Variants in GPC6 observed in about 807,000 individuals in gnomAD.
GPC6 encodes glypican-6.
Under a neutral mutation model 55.2 loss-of-function variants are expected in GPC6, and 14 were observed. The ratio of observed to expected loss-of-function variants is 0.25; its 90% CI spans 0.17 to 0.40. The LOEUF is 0.40. Among genes scored for constraint, GPC6 ranks in the 10% least tolerant of loss-of-function variants. The pLI is 1.00. For missense variants in GPC6, 641 were observed against 708.5 expected (o/e 0.90, Z 1.08); for synonymous variants, 278 against 259.6 (o/e 1.07, Z -0.68).
At chr13:93,241,424 A>C (rs908491045) in intron 1 of GPC6, among the ~76,000 whole-genome samples, 4 of 152,114 alleles carry the variant, frequency 2.6e-5, no homozygotes, top group Admixed American at 1.3e-4. Context: ...TGCTTGGTCT[A>C]GTCTCTTGGT....
At chr13:93,501,777 A>T (rs1239231360) in intron 1 of GPC6, among the ~76,000 whole-genome samples, 2 of 152,192 alleles carry the variant, frequency 1.3e-5, no homozygotes, top group African/African-American at 4.8e-5. Context: ...GTGGACCACC[A>T]GTTTGAAATA....
intron 4 of GPC6, among the ~76,000 whole-genome samples, chr13:94,049,284 A>G (rs1473635899): frequency 6.7e-6 from 1 of 149,786 alleles, no homozygotes; most frequent in Non-Finnish European, 1.5e-5. Context: ...CCCTGTGGTC[A>G]CTATCTCCTC....
chr13:93,322,449 T>C (rs1879486175), intron 1 of GPC6, among the ~76,000 whole-genome samples: 2 of 146,722 alleles, frequency 1.4e-5, no homozygotes, highest in Non-Finnish European at 3.0e-5. Context: ...TTTTTTTTTT[T>C]TTTTGAGATG....
At chr13:93,233,893 C>T (rs752528900) in intron 1 of GPC6, among the ~76,000 whole-genome samples, 4 of 152,096 alleles carry the variant, frequency 2.6e-5, no homozygotes, top group Non-Finnish European at 4.4e-5. Context: ...GCTTCTTGAC[C>T]GTAAGTTGTT....
At chr13:94,387,523 G>A (rs1439571425) in intron 7 of GPC6, among the ~76,000 whole-genome samples, 1 of 152,160 alleles carries the variant, frequency 6.6e-6, no homozygotes, top group Non-Finnish European at 1.5e-5. Context: ...TAGGGTGCAG[G>A]CTAAACTCTT....
intron 2 of GPC6, among the ~76,000 whole-genome samples, chr13:93,768,644 G>T (rs149299194): frequency 1.1e-4 from 16 of 152,252 alleles, no homozygotes; most frequent in Non-Finnish European, 2.2e-4. Flanking sequence ...GCAGAGGAAG[G>T]CAAGTGCTGA....
intron 4 of GPC6, among the ~76,000 whole-genome samples, chr13:94,068,315 G>C (rs1884607749): frequency 6.6e-6 from 1 of 152,076 alleles, no homozygotes. Flanking sequence ...AACACCATGG[G>C]AAAAACCCGC....
chr13:93,377,770 C>A (rs1318115375), intron 1 of GPC6, among the ~76,000 whole-genome samples: 1 of 152,128 alleles, frequency 6.6e-6, no homozygotes, highest in Non-Finnish European at 1.5e-5. Context: ...AGGAGATAAA[C>A]AAAATGCTTA....
intron 2 of GPC6, among the ~76,000 whole-genome samples, chr13:93,567,561 G>A (rs1447657769): frequency 2.0e-5 from 3 of 151,846 alleles, no homozygotes; most frequent in Non-Finnish European, 4.4e-5. Flanking sequence ...CTGACCTCAT[G>A]ATCTGCCCGC....
intron 1 of GPC6, among the ~76,000 whole-genome samples, chr13:93,473,715 G>A (rs1879207772): frequency 1.3e-5 from 2 of 152,146 alleles, no homozygotes; most frequent in East Asian, 1.9e-4. Flanking sequence ...CTGGCAGATG[G>A]CTTGGCCTGG....
At chr13:93,722,051 T>A (rs1883473347) in intron 2 of GPC6, among the ~76,000 whole-genome samples, 1 of 151,834 alleles carries the variant, frequency 6.6e-6, no homozygotes, top group South Asian at 2.1e-4. Context: ...AGCAGATAAA[T>A]GATTTTAAAT....
At chr13:93,985,312 C>T (rs1278682519) in intron 3 of GPC6, among the ~76,000 whole-genome samples, 1 of 151,994 alleles carries the variant, frequency 6.6e-6, no homozygotes, top group African/African-American at 2.4e-5. Context: ...TGGTGCACAC[C>T]TGTAATCCCA....
intron 4 of GPC6, among the ~76,000 whole-genome samples, chr13:94,069,788 T>G (rs1454498966): frequency 1.3e-5 from 2 of 152,204 alleles, no homozygotes; most frequent in African/African-American, 4.8e-5. Flanking sequence ...CATCTCCATC[T>G]GAGACCACCT....
intron 1 of GPC6, among the ~76,000 whole-genome samples, chr13:93,315,078 T>C (rs891004913): frequency 6.6e-6 from 1 of 152,084 alleles, no homozygotes; most frequent in Non-Finnish European, 1.5e-5. Flanking sequence ...ATTATTTTGA[T>C]GGATGAGAAG....
intron 1 of GPC6, among the ~76,000 whole-genome samples, chr13:93,262,989 A>G (rs902537470): frequency 1.3e-5 from 2 of 152,206 alleles, no homozygotes; most frequent in Admixed American, 6.5e-5. Context: ...TGGGTTTGCT[A>G]GCTTTATGGG....
intron 4 of GPC6, among the ~76,000 whole-genome samples, chr13:94,256,114 T>A (rs978512817): frequency 6.6e-6 from 1 of 152,036 alleles, no homozygotes; most frequent in African/African-American, 2.4e-5. Flanking sequence ...ATCTATTGGA[T>A]CATGCCTGAA....
chr13:93,921,668 G>A (rs533161910), intron 3 of GPC6, among the ~76,000 whole-genome samples: 11 of 151,424 alleles, frequency 7.3e-5, no homozygotes, highest in East Asian at 4.0e-4. Flanking sequence ...TCTGCTTGTC[G>A]GCTCATGGAG....
chr13:93,647,677 A>C (rs900389719), intron 2 of GPC6, among the ~76,000 whole-genome samples: 1 of 152,194 alleles, frequency 6.6e-6, no homozygotes, highest in Non-Finnish European at 1.5e-5. Context: ...TGATTCTTCC[A>C]TAACTGTCAC....
chr13:93,329,331 G>A lies in GPC6; in HGVS notation c.160+101715G>A, dbSNP rs193049887. ...ACAGCTTGTAAAAGCCAGTGAACCC[G>A]TCACTATTGGCAACTTTTATAAATC... On this transcript the variant is annotated intron_variant, in intron 1 of 8. Transcript: ENST00000377047. Among the ~76,000 whole-genome samples the A allele has an allele frequency of 1.1e-3, 168 of 152,152 alleles. 1 individual carries two copies. Among genetic ancestry groups the A allele is most frequent in the Admixed American group, 2.2e-3 (34 of 15,272 alleles).
Sources: allele counts gnomAD v4.1 joint callset (sites outside exome capture counted in the v4.1 genomes callset), GRCh38; gene constraint gnomAD v4.1.1; transcripts MANE v1.5; gene names NCBI Gene and HGNC (gene_info 2026-07-23, HGNC 2026-07-21).